Variants in ERICH1 observed in about 807,000 individuals in gnomAD.
ERICH1 encodes the protein glutamate rich 1.
ERICH1 carries 56 observed loss-of-function variants against 39.6 expected under a neutral mutation model. The ratio of observed to expected loss-of-function variants is 1.41; its 90% CI spans 1.14 to 1.77. ERICH1 has a LOEUF of 1.77. Ranked by LOEUF, ERICH1 falls within the 40% of genes most tolerant of loss-of-function variation. ERICH1 has a pLI of 0.00. For missense variants in ERICH1, 826 were observed against 575.4 expected (o/e 1.44, Z -4.45); for synonymous variants, 313 against 223.6 (o/e 1.40, Z -3.57).
At chr8:673,241 C>G in intron 4 of ERICH1, 48 bp downstream of exon 4, 5 of 1,528,186 alleles carry the variant, frequency 3.3e-6, no homozygotes, top group Non-Finnish European at 4.4e-6. Context: ...TTTTAATAAA[C>G]TTTTAAGTGG....
At chr8:689,187 C>G (rs1043388535) in intron 3 of ERICH1, among the ~76,000 whole-genome samples, 1 of 152,192 alleles carries the variant, frequency 6.6e-6, no homozygotes, top group Non-Finnish European at 1.5e-5. Context: ...TCTCGGCTCA[C>G]CACGGCCTCC....
In ERICH1 at chr8:647,949, A is replaced by G. The variant is rs1259245879; in HGVS notation, c.976+20649T>C. Among the ~76,000 whole-genome samples, 17 of 67,646 alleles carry G rather than the reference A, an allele frequency of 2.5e-4. 4 individuals are homozygous for G. Among genetic ancestry groups the G allele is most frequent in the African/African-American group, 5.8e-4 (15 of 26,032 alleles). 44.4% of individuals were successfully genotyped at this position (67,646 alleles called of 152,430 possible). A position where few individuals can be genotyped will look rare whatever the true frequency, so the allele number is the denominator to read the frequency against. ...GCGCCTGCAAGTTAAAACTCACTGC[A>G]TCAGTTACTGAAAGGAGGAGGGCGG... is the stretch of plus-strand genomic sequence containing the variant. On this transcript the variant is annotated intron_variant, in intron 3 of 3. Coordinates refer to the ERICH1 transcript ENST00000522706.
chr8:668,488 G>A (rs777497946), intron 5 of ERICH1, 110 bp downstream of exon 5: 3 of 1,049,552 alleles, frequency 2.9e-6, no homozygotes, highest in South Asian at 2.6e-5. Context: ...CATATGTGCA[G>A]TGTCATATTT....
rs754107855 is a variant in ERICH1 at position 673,268 on chromosome 8, G to T, written c.1063+21C>A. ...TTTAAGTGGATGTCACTATGCAAGAGAAAAACAGTAAAAAACATACCGTCA... is the reference window on the plus strand; with the variant it reads ...TTTAAGTGGATGTCACTATGCAAGATAAAAACAGTAAAAAACATACCGTCA... On this transcript the variant is annotated intron_variant, in intron 4 of 5. Transcript: ENST00000262109. The T allele has an allele frequency of 1.9e-6, 3 of 1,578,152 alleles. No individual in the cohort carries two copies. The South Asian group carries it at 3.5e-5, about 18-fold the overall frequency.
At chr8:626,630 T>C (rs909288196) in intron 3 of ERICH1, 4 of 157,056 alleles carry the variant, frequency 2.5e-5, no homozygotes, top group African/African-American at 4.8e-5. Flanking sequence ...TGAATGACCT[T>C]GTCAAGGTCC....
intron 2 of ERICH1, among the ~76,000 whole-genome samples, chr8:697,345 C>T (rs1007025339): frequency 1.3e-5 from 2 of 152,110 alleles, no homozygotes; most frequent in Non-Finnish European, 2.9e-5. Flanking sequence ...ATGGAGAAGC[C>T]GGTGCAACGC....
At chr8:617,247 G>C (rs907481470) in intron 3 of ERICH1, among the ~76,000 whole-genome samples, 1 of 152,148 alleles carries the variant, frequency 6.6e-6, no homozygotes, top group African/African-American at 2.4e-5. Flanking sequence ...GAAGTACTCC[G>C]ATTGCTGGGA....
intron 3 of ERICH1, among the ~76,000 whole-genome samples, chr8:630,940 GAC>G (rs1491079430): frequency 6.8e-6 from 1 of 146,890 alleles, no homozygotes; most frequent in Non-Finnish European, 1.5e-5. Flanking sequence ...AGACAGAGCT[GAC>G]ACACACCCTC....
At chr8:717,662 G>A (rs931526176) in intron 1 of ERICH1, among the ~76,000 whole-genome samples, 3 of 152,174 alleles carry the variant, frequency 2.0e-5, no homozygotes, top group South Asian at 2.1e-4. Context: ...ATAACCAGCC[G>A]TCCAATTCTG....
intron 2 of ERICH1, among the ~76,000 whole-genome samples, chr8:713,997 G>A: frequency 6.8e-6 from 1 of 146,322 alleles, no homozygotes; most frequent in Non-Finnish European, 1.5e-5. Flanking sequence ...GCTGCACCCA[G>A]GCGGCCTCTT....
chr8:711,241 A>G (rs1013345385), intron 2 of ERICH1, among the ~76,000 whole-genome samples: 13 of 152,126 alleles, frequency 8.5e-5, no homozygotes, highest in African/African-American at 1.2e-4. Context: ...TTTGTCAGGT[A>G]TGTCTTTTGA....
At chr8:726,358 A>G (rs1162511794) in intron 1 of ERICH1, among the ~76,000 whole-genome samples, 1 of 152,110 alleles carries the variant, frequency 6.6e-6, no homozygotes, top group Non-Finnish European at 1.5e-5. Context: ...GCGCACATGC[A>G]TACACAGGCG....
intron 3 of ERICH1, among the ~76,000 whole-genome samples, chr8:655,388 G>A (rs187965463): frequency 2.9e-4 from 44 of 152,346 alleles, no homozygotes; most frequent in East Asian, 1.2e-3. Flanking sequence ...ACCCAGGAGC[G>A]TATGTAATAG....
intron 2 of ERICH1, among the ~76,000 whole-genome samples, chr8:699,011 C>A (rs1057405640): frequency 1.3e-5 from 2 of 151,222 alleles, no homozygotes; most frequent in Non-Finnish European, 2.9e-5. Context: ...TCAGCTGTGG[C>A]GGGAGGCTCA....
At chr8:688,807 G>C (rs189073565) in intron 3 of ERICH1, among the ~76,000 whole-genome samples, 1 of 152,166 alleles carries the variant, frequency 6.6e-6, no homozygotes, top group Non-Finnish European at 1.5e-5. Flanking sequence ...AAAGGGTATC[G>C]ATGGGAAATC....
chr8:693,195 A>C (rs904020711), intron 2 of ERICH1, among the ~76,000 whole-genome samples: 7 of 152,232 alleles, frequency 4.6e-5, no homozygotes, highest in East Asian at 1.9e-4. Flanking sequence ...AGGGACAACA[A>C]ACACACACAG....
Position 648,768 on chromosome 8 carries a change from T to C in ERICH1, c.976+19830A>G, listed in dbSNP as rs2117288811. On this transcript the variant is annotated intron_variant, in intron 3 of 3. Transcript: ENST00000522706. ...GCTCCTTTGCAAGTGATTGAAAAAGTTATTTTGTATTTTGATGACTGGGTG... is the reference window on the plus strand; with the variant it reads ...GCTCCTTTGCAAGTGATTGAAAAAGCTATTTTGTATTTTGATGACTGGGTG... Among the ~76,000 whole-genome samples the C allele has an allele frequency of 2.9e-5, 2 of 69,352 alleles. 1 individual carries two copies. Among genetic ancestry groups the C allele is most frequent in the South Asian group, 1.1e-3 (2 of 1,854 alleles). The allele number at this position is 69,352 out of a possible 152,430, so 45.5% of individuals were successfully genotyped here.
At chr8:637,976 A>G (rs1798579381) in intron 3 of ERICH1, among the ~76,000 whole-genome samples, 1 of 152,234 alleles carries the variant, frequency 6.6e-6, no homozygotes, top group Non-Finnish European at 1.5e-5. Context: ...TTAACAAGCC[A>G]CTAAGTTCTG....
chr8:616,344 G>A (rs957787852), intron 3 of ERICH1: 3 of 345,604 alleles, frequency 8.7e-6, no homozygotes, highest in Non-Finnish European at 1.7e-5. Context: ...AGTTGCTGAA[G>A]ACAGGCTCCT....
Sources: gnomAD v4.1 joint callset for allele counts (sites outside exome capture counted in the v4.1 genomes callset) on GRCh38, gnomAD v4.1.1 for gene constraint, MANE v1.5 for transcripts, NCBI Gene and HGNC (gene_info 2026-07-23, HGNC 2026-07-21) for gene names.